The following RIPK1 variants were observed in gnomAD, a reference collection of about 807,000 sequenced individuals.
RIPK1 encodes receptor-interacting serine/threonine-protein kinase 1.
Under a neutral mutation model 62.4 loss-of-function variants are expected in RIPK1, and 27 were observed. The ratio of observed to expected loss-of-function variants is 0.43; its 90% CI spans 0.32 to 0.60. The LOEUF is 0.60. Ranked by LOEUF, RIPK1 falls within the 20% of genes least tolerant of loss-of-function variation. The pLI is 0.07. For synonymous variants in RIPK1, 287 were observed against 303.2 expected, an observed-to-expected ratio of 0.95 and a Z score of 0.55; for missense variants, 735 against 831.0, an observed-to-expected ratio of 0.88 and a Z score of 1.42.
chr6:3,098,254 T>C (rs1013542553), intron 7 of RIPK1, among the ~76,000 whole-genome samples: 3 of 152,162 alleles, frequency 2.0e-5, no homozygotes, highest in Non-Finnish European at 4.4e-5. Context: ...AGGACTTGAA[T>C]ACATAAAATC....
rs1340654900 is a variant in RIPK1, at chr6:3,113,172, C to T, written c.1849C>T (p.His617Tyr). 1.2e-6 allele frequency: 2 copies of T among 1,613,928 alleles called. No individual in the cohort carries two copies. Among genetic ancestry groups the T allele is most frequent in the Non-Finnish European group, 1.7e-6 (2 of 1,179,920 alleles). Residue 617 changes from histidine to tyrosine, a missense_variant, in exon 11 of 11, where the codon CAT (histidine) becomes TAT (tyrosine). Around this residue, in one of 2 missense-constraint regions of RIPK1, gnomAD observed 64 missense variants for 104.8 expected, o/e 0.61. Coordinates refer to ENST00000259808, the MANE Select transcript of RIPK1 (RefSeq NM_001354930.2). This position sits in a 1 kb window ranked among gnomAD's most constrained non-coding sequence, Gnocchi z 5.0. ...ACAGTCTCAGATTGATGAAATTGAC[C>T]ATGACTATGAGCGAGATGGACTGAA... Reference protein sequence around the residue: ...FTQSQIDEIDHDYERDGLKEK... With the variant: ...FTQSQIDEIDYDYERDGLKEK...
upstream of RIPK1, among the ~76,000 whole-genome samples, chr6:3,066,488 G>C (rs1758385640): frequency 6.6e-6 from 1 of 152,124 alleles, no homozygotes; most frequent in South Asian, 2.1e-4. Flanking sequence ...TAGATAGAAA[G>C]CTTTGCTGAG....
At chr6:3,078,908 G>T (rs866543171) in intron 3 of RIPK1, among the ~76,000 whole-genome samples, 14 of 146,408 alleles carry the variant, frequency 9.6e-5, no homozygotes, top group African/African-American at 2.5e-4. Context: ...GTGTGATGGG[G>T]TTTTTTTTTT....
At chr6:3,089,696 A>C (rs1285649079) in intron 7 of RIPK1, 39 bp downstream of exon 7, 1 of 1,056,064 alleles carries the variant, frequency 9.5e-7, no homozygotes, top group East Asian at 2.4e-5. Flanking sequence ...TTAACATAGC[A>C]AAATATATAC....
intron 6 of RIPK1, among the ~76,000 whole-genome samples, chr6:3,085,991 G>A (rs17513081): frequency 0.014 from 2,097 of 152,304 alleles, 15 homozygotes; most frequent in Middle Eastern, 0.024. Flanking sequence ...CCATTCGTCC[G>A]TCTATGGGCA....
intron 1 of RIPK1, among the ~76,000 whole-genome samples, chr6:3,071,903 C>T (rs999020505): frequency 9.9e-5 from 15 of 152,220 alleles, no homozygotes; most frequent in Admixed American, 9.8e-4. Context: ...TAGGACTCCT[C>T]ATAAAGTAGA....
chr6:3,066,415 C>A (rs1414109666), upstream of RIPK1, among the ~76,000 whole-genome samples: 1 of 152,046 alleles, frequency 6.6e-6, no homozygotes, highest in Non-Finnish European at 1.5e-5. Flanking sequence ...GAATGAATTC[C>A]TTTTTGTATT....
chr6:3,069,423 T>C (rs6912768), intron 1 of RIPK1, among the ~76,000 whole-genome samples: 24,212 of 151,952 alleles, frequency 0.16, 2,044 homozygotes, highest in South Asian at 0.19. Flanking sequence ...TGCATCCTCC[T>C]TCCCTAAGCA....
At chr6:3,075,754 G>C (rs1040289595) in intron 1 of RIPK1, among the ~76,000 whole-genome samples, 3 of 151,966 alleles carry the variant, frequency 2.0e-5, no homozygotes, top group African/African-American at 7.3e-5. Context: ...CACTTCCTGT[G>C]TAAAAGTTCA....
chr6:3,072,471 T>C lies in RIPK1; in HGVS notation c.-61+3810T>C, dbSNP rs1039174003. Among the ~76,000 whole-genome samples the C allele has an allele frequency of 6.6e-6, 1 of 152,204 alleles. No homozygotes were observed. Among genetic ancestry groups the C allele is most frequent in the Non-Finnish European group, 1.5e-5 (1 of 68,036 alleles). On this transcript the variant is annotated intron_variant, in intron 1 of 10. Transcript: ENST00000259808. The surrounding 1 kb of genome is among the most constrained non-coding windows in gnomAD (Gnocchi z 5.6). ...CGTCAAAAACAATTTTGAATGGCTA[T>C]ATAATATTCTGTTAGGAGTGTGCCG...
Position 3,105,557 on chromosome 6 carries a change from C to T in RIPK1, c.1082C>T (p.Pro361Leu). The T allele has an allele frequency of 6.2e-7, 1 of 1,611,880 alleles. No individual in the cohort carries two copies. The highest frequency in any genetic ancestry group is 8.5e-7 in the Non-Finnish European group (1 of 1,178,828). Residue 361 changes from proline (P) to leucine (L), a missense_variant, in exon 9 of 11, where the codon CCT (proline) becomes CTT (leucine). Pro to Leu is a moderately conservative substitution (Grantham distance 98). This residue lies in a region of RIPK1 where 671 missense variants were observed against 726.2 expected (regional missense o/e 0.92). Transcript: ENST00000259808. This position sits in a 1 kb window ranked among gnomAD's most constrained non-coding sequence, Gnocchi z 4.5. ...MGPVEESWFA[P>L]SLEHPQEENE... ...CCTGTGGAGGAGTCCTGGTTTGCTC[C>T]TTCCCTGGAGCACCCACAAGAAGAG... is the stretch of plus-strand genomic sequence containing the variant.
At chr6:3,090,229 G>C (rs1462879485) in intron 7 of RIPK1, among the ~76,000 whole-genome samples, 3 of 152,066 alleles carry the variant, frequency 2.0e-5, no homozygotes, top group African/African-American at 4.8e-5. Flanking sequence ...GTGGTTTCTG[G>C]GGTTAGAGGG....
upstream of RIPK1, among the ~76,000 whole-genome samples, chr6:3,065,326 G>A (rs1294496195): frequency 2.7e-5 from 4 of 150,936 alleles, no homozygotes; most frequent in Non-Finnish European, 3.0e-5. Context: ...CGGCTGTGGC[G>A]GGGGTGGCTG....
chr6:3,097,436 T>G (rs1165273253), intron 7 of RIPK1, among the ~76,000 whole-genome samples: 4 of 152,214 alleles, frequency 2.6e-5, no homozygotes, highest in Non-Finnish European at 5.9e-5. Context: ...CCCATAGATC[T>G]ACACATACCT....
rs766027952 is a variant in RIPK1, at chr6:3,083,200, A to G, written c.575A>G (p.Tyr192Cys). 1 of 1,614,060 alleles carries G rather than the reference A, an allele frequency of 6.2e-7. No individual in the cohort carries two copies. The highest frequency in any genetic ancestry group is 1.1e-5 in the South Asian group (1 of 91,074). ...AAGAAGAATGGCGGCACCCTCTACTACATGGCGCCCGAGCACCTGAATGAC... is the reference window on the plus strand; with the variant it reads ...AAGAAGAATGGCGGCACCCTCTACTGCATGGCGCCCGAGCACCTGAATGAC... ...TAKKNGGTLY[Y>C]MAPEHLNDVN... The change falls in exon 5 of 11, where the codon TAC becomes TGC. Residue 192 changes from tyrosine to cysteine, a missense_variant. Tyr to Cys is a radical substitution (Grantham distance 194, BLOSUM62 -2). Coordinates refer to ENST00000259808, the MANE Select transcript of RIPK1 (RefSeq NM_001354930.2).
At chr6:3,074,322 T>G (rs1170567860) in intron 1 of RIPK1, among the ~76,000 whole-genome samples, 1 of 152,218 alleles carries the variant, frequency 6.6e-6, no homozygotes, top group African/African-American at 2.4e-5. Flanking sequence ...GACTTTCACT[T>G]ATCACGTTTT....
chr6:3,078,384 G>GA (rs1472971645), intron 3 of RIPK1, among the ~76,000 whole-genome samples: 1 of 152,194 alleles, frequency 6.6e-6, no homozygotes, highest in Non-Finnish European at 1.5e-5. Flanking sequence ...GAAAAAAAGA[G>GA]AAAATCTTCC....
chr6:3,094,934 A>G (rs1760205126), intron 7 of RIPK1, among the ~76,000 whole-genome samples: 1 of 152,116 alleles, frequency 6.6e-6, no homozygotes, highest in African/African-American at 2.4e-5. Context: ...ACATGGTGGC[A>G]TGTGCCAGTA....
At chr6:3,080,807 C>T (rs923107232) in intron 3 of RIPK1, among the ~76,000 whole-genome samples, 172 bp from the exon 4 acceptor site, 1 of 151,700 alleles carries the variant, frequency 6.6e-6, no homozygotes, top group African/African-American at 2.4e-5. Context: ...CTGCCCCCCC[C>T]CGAATGAAAT....
Sources: allele counts gnomAD v4.1 joint callset (sites outside exome capture counted in the v4.1 genomes callset), GRCh38; gene constraint gnomAD v4.1.1; regional missense constraint gnomAD v4.1.1; non-coding constraint Gnocchi (gnomAD v3.1); transcripts MANE v1.5; gene names NCBI Gene and HGNC (gene_info 2026-07-23, HGNC 2026-07-21).